DGKH: variants seen among roughly 807,000 people sequenced by gnomAD.
DGKH encodes the protein diacylglycerol kinase eta.
Under a neutral mutation model 159.3 loss-of-function variants are expected in DGKH, and 90 were observed. That is an observed-to-expected ratio of 0.57 (90% CI 0.48 to 0.67). The LOEUF is 0.67. Among genes scored for constraint, DGKH ranks in the 30% least tolerant of loss-of-function variants. The probability of loss-of-function intolerance (pLI) is 0.00; values close to 1 mark genes in which losing one functional copy is unlikely to be tolerated. For missense variants in DGKH, 1,181 were observed against 1,506.1 expected (o/e 0.78, Z 3.57); for synonymous variants, 536 against 553.8 (o/e 0.97, Z 0.45).
At chr13:42,146,232 G>A (rs9590668) in intron 3 of DGKH, among the ~76,000 whole-genome samples, 54,552 of 146,220 alleles carry the variant, frequency 0.37, 10,845 homozygotes, top group South Asian at 0.46. Flanking sequence ...GAAAATGTAG[G>A]ATCTTGTCCA....
chr13:42,242,290 A>G lies in DGKH; in HGVS notation c.*13102A>G, dbSNP rs1172214166. ...TAAATTTAGCCTTGCCGTATTATTT[A>G]TAGTTAGGAATTTACTACATTTTGG... On this transcript the variant is annotated 3_prime_UTR_variant, in exon 30 of 30. Transcript: ENST00000337343. The G allele has an allele frequency of 6.6e-6, 1 of 152,226 alleles. No individual in the cohort carries two copies. The highest frequency in any genetic ancestry group is 1.5e-5 in the Non-Finnish European group (1 of 68,028). 9.4% of individuals were successfully genotyped at this position (152,226 alleles called of 1,614,324 possible).
At chr13:42,128,885 T>C (rs990506094) in intron 2 of DGKH, among the ~76,000 whole-genome samples, 1 of 152,226 alleles carries the variant, frequency 6.6e-6, no homozygotes, top group African/African-American at 2.4e-5. Flanking sequence ...CTTCAAGTTC[T>C]AGTTTCCGCA....
intron 1 of DGKH, among the ~76,000 whole-genome samples, chr13:42,093,732 T>C (rs982060729): frequency 2.6e-5 from 4 of 152,182 alleles, no homozygotes; most frequent in Non-Finnish European, 5.9e-5. Context: ...CTTGAAGGCA[T>C]TATGCTAAGT....
intron 1 of DGKH, among the ~76,000 whole-genome samples, chr13:42,063,948 A>AAAAAT (rs1555256374): frequency 7.8e-6 from 1 of 128,804 alleles, no homozygotes; most frequent in African/African-American, 2.6e-5. Context: ...TGAAAAAAAA[A>AAAAAT]ATATATATAT....
chr13:42,126,015 T>G (rs1185684702), intron 1 of DGKH, among the ~76,000 whole-genome samples: 1 of 152,204 alleles, frequency 6.6e-6, no homozygotes. Flanking sequence ...TGATCCATCT[T>G]GGACCCTATC....
At position 42,230,986 on chromosome 13, in the gene DGKH, G is replaced by A. The variant is rs1385935365; in HGVS notation, c.*1798G>A. 2 of 152,080 alleles carry A rather than the reference G, an allele frequency of 1.3e-5. No homozygotes were observed. Among genetic ancestry groups the A allele is most frequent in the Non-Finnish European group, 2.9e-5 (2 of 68,008 alleles). 9.4% of individuals were successfully genotyped at this position (152,080 alleles called of 1,614,324 possible). On this transcript the variant is annotated 3_prime_UTR_variant, in exon 30 of 30. Transcript: ENST00000337343. Reference sequence around the variant, plus strand: ...ATGACCCTGAGGGATTCCTGACCAAGTATGTCTGACTATATATTTTACCTA... The same window carrying A: ...ATGACCCTGAGGGATTCCTGACCAAATATGTCTGACTATATATTTTACCTA...
intron 11 of DGKH, among the ~76,000 whole-genome samples, chr13:42,172,221 C>G (rs75199012): frequency 6.6e-6 from 1 of 152,014 alleles, no homozygotes; most frequent in Non-Finnish European, 1.5e-5. Context: ...AAGCGATACT[C>G]CTGCCTCAGC....
At chr13:42,146,437 C>T (rs1388868880) in intron 3 of DGKH, among the ~76,000 whole-genome samples, 1 of 152,130 alleles carries the variant, frequency 6.6e-6, no homozygotes, top group Non-Finnish European at 1.5e-5. Flanking sequence ...TGAAGTGTGC[C>T]ATTTATGTGT....
At position 42,186,007 on chromosome 13, in the gene DGKH, GGTGGT is replaced by G. The variant is rs748259140; in HGVS notation, c.1539-1038_1539-1034del. Among the ~76,000 whole-genome samples the G allele has an allele frequency of 8.1e-3, 743 of 91,216 alleles. 8 individuals are homozygous for G. Among genetic ancestry groups the G allele is most frequent in the African/African-American group, 0.019 (506 of 26,972 alleles). The allele number at this position is 91,216 out of a possible 152,430, so 59.8% of individuals were successfully genotyped here. A position where few individuals can be genotyped will look rare whatever the true frequency, so the allele number is the denominator to read the frequency against. Reference sequence around the variant, plus strand: ...CTGTTGGGGGAGGAGTGGTGGTGGTGGTGGTGTGTGTGTGTGTGTGTGTGTGTGTG... The same window carrying G: ...CTGTTGGGGGAGGAGTGGTGGTGGTGGTGTGTGTGTGTGTGTGTGTGTGTG... On this transcript the variant is annotated intron_variant, in intron 13 of 29. Transcript: ENST00000337343.
intron 1 of DGKH, among the ~76,000 whole-genome samples, chr13:42,088,078 C>T (rs1164707617): frequency 2.0e-5 from 3 of 152,020 alleles, no homozygotes; most frequent in African/African-American, 7.2e-5. Context: ...GCAGATTTCT[C>T]AACAGAAACT....
At chr13:42,089,092 G>A (rs192150973) in intron 1 of DGKH, among the ~76,000 whole-genome samples, 20 of 152,250 alleles carry the variant, frequency 1.3e-4, no homozygotes, top group Admixed American at 7.2e-4. Context: ...GCATGCAGCC[G>A]ATAACAGCTT....
rs1954496942 is a variant in DGKH at position 42,095,132 on chromosome 13, C to CA, written c.193-32330dup. 2.7e-5 allele frequency among the ~76,000 whole-genome samples: 4 copies of CA among 148,432 alleles called. No individual in the cohort carries two copies. The South Asian group carries it at 8.6e-4, about 32-fold the overall frequency. On this transcript the variant is annotated intron_variant, in intron 1 of 29. Transcript: ENST00000337343. ...TACTGTAATACTTTCCTAGATATAGCAGCCGCTCAATAAATGTTGACTCCT... is the reference window on the plus strand; with the variant it reads ...TACTGTAATACTTTCCTAGATATAGCAAGCCGCTCAATAAATGTTGACTCCT...
intron 1 of DGKH, among the ~76,000 whole-genome samples, chr13:42,082,162 T>C (rs547945789): frequency 6.6e-5 from 10 of 152,002 alleles, no homozygotes; most frequent in African/African-American, 2.4e-4. Context: ...GCTTGGACTC[T>C]GACACTGGCA....
chr13:42,150,714 T>G (rs955833459), intron 3 of DGKH, among the ~76,000 whole-genome samples: 1 of 152,224 alleles, frequency 6.6e-6, no homozygotes, highest in African/African-American at 2.4e-5. Context: ...TTTCAGGTAT[T>G]ATTGATTTAC....
chr13:42,142,867 T>C (rs9562381), intron 3 of DGKH, among the ~76,000 whole-genome samples: 5,663 of 152,310 alleles, frequency 0.037, 207 homozygotes, highest in East Asian at 0.14. Flanking sequence ...CTTCCTGTTT[T>C]CCTAACTGAA....
chr13:42,105,744 T>C (rs969888117), intron 1 of DGKH, among the ~76,000 whole-genome samples: 6 of 152,182 alleles, frequency 3.9e-5, no homozygotes, highest in Admixed American at 6.5e-5. Context: ...ACCTTTTATA[T>C]GTAGGTAAAT....
intron 3 of DGKH, among the ~76,000 whole-genome samples, chr13:42,146,686 T>A (rs909344669): frequency 1.3e-5 from 2 of 152,232 alleles, no homozygotes; most frequent in Non-Finnish European, 2.9e-5. Flanking sequence ...GATGTTACTC[T>A]GTGTGTGTTT....
chr13:42,121,911 G>T (rs539178212), intron 1 of DGKH, among the ~76,000 whole-genome samples: 1 of 152,182 alleles, frequency 6.6e-6, no homozygotes, highest in Non-Finnish European at 1.5e-5. Flanking sequence ...CCGCCGTGGA[G>T]TCTCTCCCTC....
At chr13:42,084,689 C>T (rs1317001542) in intron 1 of DGKH, among the ~76,000 whole-genome samples, 1 of 151,734 alleles carries the variant, frequency 6.6e-6, no homozygotes, top group African/African-American at 2.4e-5. Flanking sequence ...TTATAGGTTG[C>T]TACAGCTAAG....
Sources: gnomAD v4.1 joint callset for allele counts (sites outside exome capture counted in the v4.1 genomes callset) on GRCh38, gnomAD v4.1.1 for gene constraint, MANE v1.5 for transcripts, NCBI Gene and HGNC (gene_info 2026-07-23, HGNC 2026-07-21) for gene names.